The following WDFY2 variants were observed in gnomAD, a reference collection of about 807,000 sequenced individuals.
WDFY2 encodes WD repeat and FYVE domain-containing protein 2.
In WDFY2, 36 loss-of-function variants were observed where a neutral mutation model predicts 56.4. The observed-to-expected ratio is 0.64, with a 90% confidence interval of 0.49 to 0.84. The LOEUF (loss-of-function observed/expected upper bound fraction) is 0.84. Among genes scored for constraint, WDFY2 ranks in the 40% least tolerant of loss-of-function variants. The pLI is 0.00. For missense variants in WDFY2, 444 were observed against 512.2 expected, an observed-to-expected ratio of 0.87 and a Z score of 1.29; for synonymous variants, 176 against 183.7, an observed-to-expected ratio of 0.96 and a Z score of 0.34.
At chr13:51,699,854 T>G (rs1484804809) in intron 3 of WDFY2, among the ~76,000 whole-genome samples, 2 of 152,216 alleles carry the variant, frequency 1.3e-5, no homozygotes, top group African/African-American at 4.8e-5. Context: ...CATATGGATA[T>G]ACTTGCAAAG....
chr13:51,755,323 G>A, intron 8 of WDFY2, 35 bp from the exon 9 acceptor site: 2 of 1,600,676 alleles, frequency 1.2e-6, no homozygotes, highest in Non-Finnish European at 1.7e-6. Flanking sequence ...CTGACTGCTG[G>A]CCACAGTGAC....
At chr13:51,691,999 G>C (rs1265536797) in intron 3 of WDFY2, among the ~76,000 whole-genome samples, 1 of 151,800 alleles carries the variant, frequency 6.6e-6, no homozygotes, top group African/African-American at 2.4e-5. Flanking sequence ...CTGTTTGTCT[G>C]TTATTGGTGT....
intron 1 of WDFY2, among the ~76,000 whole-genome samples, chr13:51,600,273 T>A (rs1408265742): frequency 1.3e-5 from 2 of 152,216 alleles, no homozygotes; most frequent in African/African-American, 4.8e-5. Context: ...ATGGAGTCCC[T>A]TAGGTTTCTT....
At position 51,672,512 on chromosome 13, in the gene WDFY2, T is replaced by G. The variant is rs1245089642; in HGVS notation, c.206-2658T>G. On this transcript the variant is annotated intron_variant, in intron 2 of 11. Transcript: ENST00000298125. ...CCAGATTTGTTCTTTTTGCTTAGTC[T>G]TGCTTTGGCTATGTGGGCTCTTTTT... Among the ~76,000 whole-genome samples, 3 of 152,218 alleles carry G rather than the reference T, an allele frequency of 2.0e-5. No individual in the cohort carries two copies. The East Asian group carries it at 5.8e-4, about 29-fold the overall frequency.
Position 51,727,706 on chromosome 13 carries a change from A to G in WDFY2, c.514A>G (p.Ile172Val), listed in dbSNP as rs1188430398. ...TGATGTTGAAACCCGGCATGTGTTT[A>G]TCGGTGACCACTCAGGCCAAGTAAC... ...QFDVETRHVFIGDHSGQVTIL... is the reference protein window; with the variant it reads ...QFDVETRHVFVGDHSGQVTIL... The change falls in exon 6 of 12, where the codon ATC becomes GTC. Residue 172 changes from isoleucine to valine, a missense_variant. Transcript: ENST00000298125. The G allele has an allele frequency of 1.2e-6, 2 of 1,614,022 alleles. No homozygotes were observed. Among genetic ancestry groups the G allele is most frequent in the African/African-American group, 1.3e-5 (1 of 74,934 alleles).
At chr13:51,754,313 A>T (rs1593480322) in intron 8 of WDFY2, among the ~76,000 whole-genome samples, 1 of 152,200 alleles carries the variant, frequency 6.6e-6, no homozygotes, top group South Asian at 2.1e-4. Flanking sequence ...CACAGTGCCC[A>T]GATGACCTTC....
intron 1 of WDFY2, among the ~76,000 whole-genome samples, chr13:51,638,859 C>A (rs1363012860): frequency 2.0e-5 from 3 of 152,154 alleles, no homozygotes; most frequent in Non-Finnish European, 4.4e-5. Flanking sequence ...GGCTTATCAG[C>A]CTTAGCTCAA....
In WDFY2 at chr13:51,651,134, T is replaced by G. The variant is rs1955375468; in HGVS notation, c.138-9462T>G. On this transcript the variant is annotated intron_variant, in intron 1 of 11. Transcript: ENST00000298125. ...TCAGAGATTCAACTTCTTCCTGGTT[T>G]ATTCTTGGGAGGGTGTATGTGTCAA... Among the ~76,000 whole-genome samples the G allele has an allele frequency of 2.6e-5, 4 of 152,258 alleles. No homozygotes were observed. In the South Asian group the frequency reaches 8.3e-4, roughly 31 times the overall value.
chr13:51,688,326 G>C (rs1956095440), intron 3 of WDFY2, among the ~76,000 whole-genome samples: 1 of 152,166 alleles, frequency 6.6e-6, no homozygotes, highest in South Asian at 2.1e-4. Context: ...TTTCTGAAGA[G>C]TGTAGTGACT....
chr13:51,698,849 A>T (rs893032773), intron 3 of WDFY2, among the ~76,000 whole-genome samples: 1 of 152,240 alleles, frequency 6.6e-6, no homozygotes, highest in Non-Finnish European at 1.5e-5. Context: ...GAAAGATTTG[A>T]TAAAATTCAA....
intron 1 of WDFY2, among the ~76,000 whole-genome samples, chr13:51,659,002 A>G (rs111918237): frequency 1.0e-3 from 155 of 152,132 alleles, no homozygotes; most frequent in Admixed American, 3.1e-3. Context: ...TCTTGGCTCA[A>G]TGCAACCTCT....
At chr13:51,707,382 C>T (rs1952106208) in intron 4 of WDFY2, among the ~76,000 whole-genome samples, 1 of 152,102 alleles carries the variant, frequency 6.6e-6, no homozygotes, top group Non-Finnish European at 1.5e-5. Flanking sequence ...TGGTCTCGAA[C>T]TCCTAAGCTC....
chr13:51,713,972 A>G (rs1379429333), intron 4 of WDFY2, among the ~76,000 whole-genome samples: 1 of 152,076 alleles, frequency 6.6e-6, no homozygotes, highest in Non-Finnish European at 1.5e-5. Flanking sequence ...AGAGGGGGAA[A>G]TGGCGAGTTA....
intron 1 of WDFY2, among the ~76,000 whole-genome samples, chr13:51,606,213 C>T (rs1044802414): frequency 9.9e-5 from 15 of 152,138 alleles, no homozygotes; most frequent in Admixed American, 3.9e-4. Context: ...TACAGAAATG[C>T]TTTAATTCAG....
chr13:51,612,468 C>T (rs891942615), intron 1 of WDFY2, among the ~76,000 whole-genome samples: 3 of 152,310 alleles, frequency 2.0e-5, no homozygotes, highest in African/African-American at 7.2e-5. Context: ...TTCAAATTAA[C>T]ACTTAGAAGT....
chr13:51,708,031 C>T (rs1952124868), intron 4 of WDFY2, among the ~76,000 whole-genome samples: 1 of 121,910 alleles, frequency 8.2e-6, no homozygotes, highest in African/African-American at 3.2e-5. Flanking sequence ...CAATTGTGGG[C>T]ACACCCCAGG....
chr13:51,584,970 G>A, intron 1 of WDFY2, 146 bp downstream of exon 1: 1 of 1,198,374 alleles, frequency 8.3e-7, no homozygotes, highest in Non-Finnish European at 1.1e-6. Flanking sequence ...GGTGGTGCCG[G>A]TGTTCAGCTG....
chr13:51,662,095 C>T (rs1299212861), intron 2 of WDFY2, among the ~76,000 whole-genome samples: 21 of 151,960 alleles, frequency 1.4e-4, no homozygotes, highest in African/African-American at 4.6e-4. Context: ...CTCAGCCTCC[C>T]GAGTAGCTGA....
At chr13:51,671,260 T>C (rs1410853677) in intron 2 of WDFY2, among the ~76,000 whole-genome samples, 2 of 152,176 alleles carry the variant, frequency 1.3e-5, no homozygotes, top group African/African-American at 4.8e-5. Context: ...CAAATGGTAG[T>C]TCTACTTTTA....
Sources: gnomAD v4.1 joint callset for allele counts (sites outside exome capture counted in the v4.1 genomes callset) on GRCh38, gnomAD v4.1.1 for gene constraint, MANE v1.5 for transcripts, NCBI Gene and HGNC (gene_info 2026-07-23, HGNC 2026-07-21) for gene names.